The following KSR2 variants were observed in gnomAD, a reference collection of about 807,000 sequenced individuals.
The protein encoded by KSR2 is kinase suppressor of ras 2.
Under a neutral mutation model 107.8 loss-of-function variants are expected in KSR2, and 25 were observed. The observed-to-expected ratio is 0.23, with a 90% CI of 0.17 to 0.32. The LOEUF (loss-of-function observed/expected upper bound fraction) is 0.32, where lower values mean the gene tolerates loss of function less well. Among genes scored for constraint, KSR2 ranks in the 10% least tolerant of loss-of-function variants. The pLI, the probability that KSR2 is intolerant of heterozygous loss-of-function variation, is 1.00. For missense variants in KSR2, 887 were observed against 1,268.9 expected, an observed-to-expected ratio of 0.70 and a Z score of 4.57; for synonymous variants, 480 against 507.0, an observed-to-expected ratio of 0.95 and a Z score of 0.71.
intron 5 of KSR2, among the ~76,000 whole-genome samples, chr12:117,606,324 TCTTCCTTCCTCCTTTC>T (rs1881228879): frequency 8.2e-6 from 1 of 122,254 alleles, no homozygotes; most frequent in Non-Finnish European, 1.7e-5. Flanking sequence ...TTCCCTACTT[TCTTCCTTCCTCCTTTC>T]CTTCCTTCCT....
intron 5 of KSR2, among the ~76,000 whole-genome samples, chr12:117,622,446 T>C (rs751296432): frequency 6.6e-6 from 1 of 152,148 alleles, no homozygotes; most frequent in Non-Finnish European, 1.5e-5. Flanking sequence ...TTTATTCAAC[T>C]GGCATCTTAT....
At chr12:117,580,776 T>C (rs1055657063) in intron 6 of KSR2, among the ~76,000 whole-genome samples, 1 of 152,110 alleles carries the variant, frequency 6.6e-6, no homozygotes. Context: ...GCCTGGGGGC[T>C]GGACGATCTA....
intron 1 of KSR2, among the ~76,000 whole-genome samples, chr12:117,909,719 A>T (rs914179644): frequency 5.3e-5 from 8 of 150,492 alleles, no homozygotes; most frequent in African/African-American, 2.0e-4. Context: ...CCTGGCCAAC[A>T]TGGTGGAACC....
At chr12:117,887,073 A>C (rs1894199212) in intron 1 of KSR2, among the ~76,000 whole-genome samples, 1 of 151,640 alleles carries the variant, frequency 6.6e-6, no homozygotes, top group African/African-American at 2.4e-5. Context: ...ACGGGCGCTC[A>C]TTGCCACACC....
intron 3 of KSR2, among the ~76,000 whole-genome samples, chr12:117,765,750 G>A (rs537717804): frequency 2.6e-5 from 4 of 152,226 alleles, no homozygotes; most frequent in Admixed American, 1.3e-4. Context: ...ACAAGTGTTG[G>A]GGGCTATTTT....
intron 9 of KSR2, among the ~76,000 whole-genome samples, chr12:117,546,104 C>T (rs910495710): frequency 6.6e-6 from 1 of 152,136 alleles, no homozygotes; most frequent in African/African-American, 2.4e-5. Context: ...TTCTTTATTA[C>T]TTCTTTTCTG....
intron 4 of KSR2, among the ~76,000 whole-genome samples, chr12:117,729,517 G>A (rs1364730512): frequency 6.6e-6 from 1 of 152,074 alleles, no homozygotes; most frequent in African/African-American, 2.4e-5. Context: ...AAATGATGGG[G>A]CTGGTATCTT....
chr12:117,519,188 T>C (rs369636886), intron 14 of KSR2, among the ~76,000 whole-genome samples: 1 of 152,140 alleles, frequency 6.6e-6, no homozygotes, highest in African/African-American at 2.4e-5. Context: ...GGTGCTGATA[T>C]TGGGTCATTC....
chr12:117,721,483 T>C (rs985786941), intron 4 of KSR2, among the ~76,000 whole-genome samples: 3 of 152,186 alleles, frequency 2.0e-5, no homozygotes, highest in African/African-American at 4.8e-5. Flanking sequence ...TTATAGTTTA[T>C]ACCCAAATCT....
intron 8 of KSR2, 146 bp downstream of exon 8, chr12:117,558,360 C>T: frequency 3.1e-6 from 2 of 640,580 alleles, no homozygotes; most frequent in South Asian, 3.8e-5. Context: ...TGTCAGGAAA[C>T]AGGGCGTCAG....
At chr12:117,811,436 G>C (rs923906291) in intron 3 of KSR2, among the ~76,000 whole-genome samples, 12 of 152,226 alleles carry the variant, frequency 7.9e-5, no homozygotes, top group African/African-American at 2.9e-4. Context: ...TATTAATGCA[G>C]ATTCCCAGGC....
chr12:117,949,546 T>G (rs1407961726), intron 1 of KSR2, among the ~76,000 whole-genome samples: 4 of 152,146 alleles, frequency 2.6e-5, no homozygotes, highest in Non-Finnish European at 4.4e-5. Flanking sequence ...TGAAAGAAAT[T>G]TTGTGGGCAA....
intron 1 of KSR2, among the ~76,000 whole-genome samples, chr12:117,893,068 A>T (rs1390527384): frequency 6.8e-6 from 1 of 147,394 alleles, no homozygotes; most frequent in African/African-American, 2.5e-5. Flanking sequence ...CCCAGGCTGG[A>T]GTGCAGTGGT....
chr12:117,856,859 TAGCCAGAAAGAAGAAAA>T (rs764312239), intron 2 of KSR2, among the ~76,000 whole-genome samples: 22 of 152,278 alleles, frequency 1.4e-4, no homozygotes, highest in Non-Finnish European at 2.8e-4. Context: ...ATTAAACTGA[TAGCCAGAAAGAAGAAAA>T]CTGTCTCAGT....
chr12:117,932,229 T>C (rs534076401), intron 1 of KSR2, among the ~76,000 whole-genome samples: 15 of 151,844 alleles, frequency 9.9e-5, no homozygotes, highest in Middle Eastern at 3.4e-3. Flanking sequence ...AGAGGTTGCA[T>C]TGAGCTGAGA....
At chr12:117,475,020 G>T (rs1093314) in intron 17 of KSR2, among the ~76,000 whole-genome samples, 111,143 of 151,982 alleles carry the variant, frequency 0.73, 40,764 homozygotes, top group South Asian at 0.84. Context: ...ACCTCCTCTG[G>T]GTGCTGCTGA....
At chr12:117,892,787 CAAA>C (rs35897528) in intron 1 of KSR2, among the ~76,000 whole-genome samples, 16,554 of 86,710 alleles carry the variant, frequency 0.19, 917 homozygotes, top group East Asian at 0.41. Context: ...GTGCTATGTG[CAAA>C]AAAAAAAAAA....
intron 1 of KSR2, among the ~76,000 whole-genome samples, chr12:117,903,284 TGTGGGTTACACA>T (rs1214741909): frequency 1.1e-4 from 16 of 152,360 alleles, no homozygotes; most frequent in African/African-American, 3.8e-4. Flanking sequence ...CACAGCTGGC[TGTGGGTTACACA>T]GCAAAGGAAT....
In KSR2 at chr12:117,855,499, T is replaced by C; in HGVS notation, c.401A>G (p.Tyr134Cys). The C allele has an allele frequency of 6.2e-7, 1 of 1,613,978 alleles. No individual in the cohort carries two copies. Among genetic ancestry groups the C allele is most frequent in the Non-Finnish European group, 8.5e-7 (1 of 1,179,884 alleles). Residue 134 changes from tyrosine to cysteine, a missense_variant, in exon 3 of 20, where the codon TAC (tyrosine) becomes TGC (cysteine). This residue lies in a region of KSR2 where 399 missense variants were observed against 479.5 expected (regional missense o/e 0.83). Transcript: ENST00000339824. The stretch of plus-strand genomic sequence containing the variant: ...GGCACACTCCTCCCGGTTGGCTCCG[T>C]ATTTCTCCACAGTCTCGCACACCTG... ...DEQVCETVEK[Y>C]GANREECARL...
Sources: gnomAD v4.1 joint callset for allele counts (sites outside exome capture counted in the v4.1 genomes callset) on GRCh38, gnomAD v4.1.1 for gene constraint, gnomAD v4.1.1 regional missense constraint, MANE v1.5 for transcripts, NCBI Gene and HGNC (gene_info 2026-07-23, HGNC 2026-07-21) for gene names.